FHIT: variants seen among roughly 807,000 people sequenced by gnomAD.
The protein encoded by FHIT is fragile histidine triad diadenosine triphosphatase, also known as bis(5'-adenosyl)-triphosphatase.
FHIT carries 19 observed loss-of-function variants against 17.9 expected under a neutral mutation model. The ratio of observed to expected loss-of-function variants is 1.06; its 90% CI spans 0.74 to 1.56. The LOEUF (loss-of-function observed/expected upper bound fraction) is 1.56. Among genes scored for constraint, FHIT ranks in the 40% most tolerant of loss-of-function variants. FHIT has a pLI of 0.00. For synonymous variants in FHIT, 81 were observed against 69.7 expected (o/e 1.16, Z -0.81); for missense variants, 248 against 189.2 (o/e 1.31, Z -1.82).
At chr3:61,064,089 TCAGC>T (rs1220142524) in intron 2 of FHIT, among the ~76,000 whole-genome samples, 1 of 152,216 alleles carries the variant, frequency 6.6e-6, no homozygotes, top group Non-Finnish European at 1.5e-5. Context: ...CGTACTGGTC[TCAGC>T]CAGTGAAGGT....
At chr3:60,056,266 A>T (rs1702076207) in intron 5 of FHIT, among the ~76,000 whole-genome samples, 1 of 152,314 alleles carries the variant, frequency 6.6e-6, no homozygotes, top group Non-Finnish European at 1.5e-5. Flanking sequence ...TTCTCCCAGA[A>T]ATTTTGGTGT....
chr3:60,608,982 A>G (rs568092176), intron 4 of FHIT, among the ~76,000 whole-genome samples: 2 of 151,966 alleles, frequency 1.3e-5, no homozygotes, highest in Non-Finnish European at 2.9e-5. Context: ...TCAAATAAAT[A>G]TTAAATATAT....
At chr3:60,795,411 C>T (rs150480656) in intron 4 of FHIT, among the ~76,000 whole-genome samples, 3 of 152,046 alleles carry the variant, frequency 2.0e-5, no homozygotes, top group Non-Finnish European at 4.4e-5. Context: ...TTAAAAAATA[C>T]ATTCCTTGAA....
At chr3:60,817,315 T>A (rs1319246085) in intron 4 of FHIT, among the ~76,000 whole-genome samples, 1 of 152,084 alleles carries the variant, frequency 6.6e-6, no homozygotes, top group East Asian at 1.9e-4. Context: ...ATTTCCAAAA[T>A]TTTTTCATTC....
In FHIT at chr3:60,754,586, G is replaced by A. The variant is rs188837361; in HGVS notation, c.-18+67333C>T. Among the ~76,000 whole-genome samples, 74 of 152,070 alleles carry A rather than the reference G, an allele frequency of 4.9e-4. No individual in the cohort carries two copies. In the East Asian group the frequency reaches 0.012, roughly 25 times the overall value. ...GCAGAGGTTGCGGTGAGCTAAGATC[G>A]CGCCACTGCACTCCAGCCTGGGTGA... On this transcript the variant is annotated intron_variant, in intron 4 of 9. Transcript: ENST00000492590.
chr3:60,139,967 C>CA (rs1221401425), intron 5 of FHIT, among the ~76,000 whole-genome samples: 1 of 151,892 alleles, frequency 6.6e-6, no homozygotes, highest in Non-Finnish European at 1.5e-5. Context: ...ACTAAAAATA[C>CA]AAAAATTAGC....
chr3:59,808,803 A>G (rs1009458363), intron 8 of FHIT, among the ~76,000 whole-genome samples: 2 of 152,254 alleles, frequency 1.3e-5, no homozygotes, highest in African/African-American at 4.8e-5. Context: ...CAATAAAATT[A>G]GCTACAAAGG....
At chr3:60,048,524 A>G (rs1199336724) in intron 5 of FHIT, among the ~76,000 whole-genome samples, 1 of 152,076 alleles carries the variant, frequency 6.6e-6, no homozygotes, top group African/African-American at 2.4e-5. Context: ...TCACATTCTG[A>G]GGTACTGTGG....
intron 3 of FHIT, among the ~76,000 whole-genome samples, chr3:60,823,314 T>C (rs980524877): frequency 1.3e-5 from 2 of 151,992 alleles, no homozygotes; most frequent in East Asian, 3.9e-4. Flanking sequence ...CCCCTCCCCA[T>C]CAGGAAAAAA....
chr3:59,908,597 G>A (rs887680825), intron 8 of FHIT, among the ~76,000 whole-genome samples: 3 of 152,134 alleles, frequency 2.0e-5, no homozygotes, highest in Middle Eastern at 6.8e-3. Context: ...GACACCAGAG[G>A]CCAAGGAAAC....
intron 4 of FHIT, among the ~76,000 whole-genome samples, chr3:60,635,401 C>G (rs781883353): frequency 2.0e-5 from 3 of 152,222 alleles, no homozygotes; most frequent in African/African-American, 7.2e-5. Flanking sequence ...TACTGAACCA[C>G]TTAGTGGCAT....
intron 4 of FHIT, among the ~76,000 whole-genome samples, chr3:60,715,752 C>G (rs2041667478): frequency 6.6e-6 from 1 of 151,642 alleles, no homozygotes. Flanking sequence ...GCTCATGTAC[C>G]CTAAAACTTA....
At chr3:61,191,939 G>C (rs1031786224) in intron 2 of FHIT, among the ~76,000 whole-genome samples, 2 of 152,202 alleles carry the variant, frequency 1.3e-5, no homozygotes, top group African/African-American at 4.8e-5. Flanking sequence ...TTAGGAAGGA[G>C]CATGGGACTG....
chr3:61,221,914 C>T (rs577484894), intron 1 of FHIT, among the ~76,000 whole-genome samples: 102 of 152,208 alleles, frequency 6.7e-4, no homozygotes, highest in Non-Finnish European at 1.4e-3. Flanking sequence ...ACCTCCACCA[C>T]GTGGCCTGTG....
chr3:61,036,312 T>A (rs1024286747), intron 3 of FHIT, among the ~76,000 whole-genome samples: 2 of 151,072 alleles, frequency 1.3e-5, no homozygotes, highest in African/African-American at 4.9e-5. Context: ...TCATGAGGGA[T>A]CAGCCCCCCC....
intron 5 of FHIT, among the ~76,000 whole-genome samples, chr3:60,096,768 G>A (rs539597605): frequency 6.6e-6 from 1 of 152,258 alleles, no homozygotes; most frequent in East Asian, 1.9e-4. Flanking sequence ...GCTAAATACA[G>A]AGCAGAGAGT....
chr3:60,393,128 G>A (rs1010371807), intron 5 of FHIT, among the ~76,000 whole-genome samples: 6 of 152,010 alleles, frequency 3.9e-5, no homozygotes, highest in South Asian at 2.1e-4. Flanking sequence ...ATTTTAAAAA[G>A]TCTGTAAAGG....
At chr3:60,539,862 G>A (rs2036124331) in intron 4 of FHIT, among the ~76,000 whole-genome samples, 1 of 151,814 alleles carries the variant, frequency 6.6e-6, no homozygotes, top group African/African-American at 2.4e-5. Flanking sequence ...AATGGGTGCA[G>A]CACACCAACA....
chr3:61,018,732 T>C (rs950621289), intron 3 of FHIT, among the ~76,000 whole-genome samples: 10 of 152,230 alleles, frequency 6.6e-5, no homozygotes, highest in African/African-American at 2.4e-4. Context: ...AAATTATAAA[T>C]CACAGCATTT....
Sources: gnomAD v4.1 joint callset for allele counts (sites outside exome capture counted in the v4.1 genomes callset) on GRCh38, gnomAD v4.1.1 for gene constraint, MANE v1.5 for transcripts, NCBI Gene and HGNC (gene_info 2026-07-23, HGNC 2026-07-21) for gene names.